PGAP4: variants seen among roughly 807,000 people sequenced by gnomAD.
PGAP4 encodes post-GPI attachment to proteins GalNAc transferase 4.
Under a neutral mutation model 28.2 loss-of-function variants are expected in PGAP4, and 12 were observed. The ratio of observed to expected loss-of-function variants is 0.42; its 90% CI spans 0.27 to 0.69. The LOEUF (loss-of-function observed/expected upper bound fraction) is 0.69, where lower values mean the gene tolerates loss of function less well. Among genes scored for constraint, PGAP4 ranks in the 30% least tolerant of loss-of-function variants. PGAP4 has a pLI of 0.22. For missense variants in PGAP4, 425 were observed against 513.5 expected, an observed-to-expected ratio of 0.83 and a Z score of 1.67; for synonymous variants, 205 against 211.8, an observed-to-expected ratio of 0.97 and a Z score of 0.28.
intron 2 of PGAP4, among the ~76,000 whole-genome samples, chr9:101,506,034 A>G (rs2118600070): frequency 6.6e-6 from 1 of 152,280 alleles, no homozygotes; most frequent in South Asian, 2.1e-4. Context: ...AGTTACCCTT[A>G]AAAAAGCAGT....
At chr9:101,494,832 T>A (rs58159499) in intron 2 of PGAP4, among the ~76,000 whole-genome samples, 1 of 151,302 alleles carries the variant, frequency 6.6e-6, no homozygotes, top group African/African-American at 2.4e-5. Context: ...GTATGTAGCA[T>A]TTTAAGATAA....
At chr9:101,521,894 G>A (rs1429763019) in intron 2 of PGAP4, among the ~76,000 whole-genome samples, 1 of 152,030 alleles carries the variant, frequency 6.6e-6, no homozygotes, top group Non-Finnish European at 1.5e-5. Context: ...GGATCCCAGA[G>A]GTTTTGATAG....
chr9:101,515,399 G>A (rs532401785), intron 2 of PGAP4, among the ~76,000 whole-genome samples: 2 of 152,094 alleles, frequency 1.3e-5, no homozygotes, highest in South Asian at 2.1e-4. Context: ...TGAAGATCAC[G>A]TCGGCAAAGA....
At position 101,523,619 on chromosome 9, in the gene PGAP4, C is replaced by CATTTTTTTTTTTTT. The variant is rs1245170432; in HGVS notation, c.-165+7728_-165+7729insAAAAAAAAAAAAAT. Among the ~76,000 whole-genome samples, 104 of 59,334 alleles carry CATTTTTTTTTTTTT rather than the reference C, an allele frequency of 1.8e-3. 13 individuals carry two copies. The highest frequency in any genetic ancestry group is 3.0e-3 in the Admixed American group (13 of 4,364). 38.9% of individuals were successfully genotyped at this position (59,334 alleles called of 152,430 possible). Reference sequence around the variant, plus strand: ...ACATTTCTCCCCTCACTTCTTGTATCTTTTTTTTTTTTTTTTTTTTTTTTT... The same window carrying CATTTTTTTTTTTTT: ...ACATTTCTCCCCTCACTTCTTGTATCATTTTTTTTTTTTTTTTTTTTTTTTTTTTTTTTTTTTTT... On this transcript the variant is annotated intron_variant, in intron 2 of 3. Coordinates refer to the PGAP4 transcript ENST00000374851.
intron 2 of PGAP4, chr9:101,501,928 T>A (rs906276586): frequency 5.5e-6 from 2 of 362,084 alleles, no homozygotes; most frequent in African/African-American, 4.2e-5. Context: ...AGAACCAGCG[T>A]CGCCACCAGG....
At chr9:101,529,239 T>C (rs998423066) in intron 2 of PGAP4, among the ~76,000 whole-genome samples, 2 of 150,876 alleles carry the variant, frequency 1.3e-5, no homozygotes, top group African/African-American at 4.9e-5. Flanking sequence ...CACTGCAACC[T>C]TTGCCTCCTG....
chr9:101,501,268 A>G (rs977979668), intron 2 of PGAP4, among the ~76,000 whole-genome samples: 4 of 152,068 alleles, frequency 2.6e-5, no homozygotes, highest in Non-Finnish European at 5.9e-5. Flanking sequence ...CTGCTACAAT[A>G]GTGATGCTGT....
rs541115462 is a variant in PGAP4, at chr9:101,521,634, A to G, written c.-165+9714T>C. ...GGTTATTCTTGCCAATGGTCTATCA[A>G]TTTTATTTATCTTTCAAAGAACTAG... On this transcript the variant is annotated intron_variant, in intron 2 of 3. Transcript: ENST00000374851. Among the ~76,000 whole-genome samples the G allele has an allele frequency of 2.0e-5, 3 of 152,106 alleles. No homozygotes were observed. The East Asian group carries it at 5.8e-4, about 29-fold the overall frequency.
At chr9:101,505,134 G>A (rs939356066) in intron 2 of PGAP4, among the ~76,000 whole-genome samples, 2 of 152,068 alleles carry the variant, frequency 1.3e-5, no homozygotes, top group Non-Finnish European at 2.9e-5. Flanking sequence ...AAAGGACTGA[G>A]TACTCCACTT....
chr9:101,491,403 A>G (rs1826687732), upstream of PGAP4, among the ~76,000 whole-genome samples: 1 of 152,124 alleles, frequency 6.6e-6, no homozygotes, highest in Admixed American at 6.6e-5. Flanking sequence ...CAGTTTGAGC[A>G]CTTAACATGA....
rs1826253034 is a variant in PGAP4 at position 101,474,980 on chromosome 9, GTCCA to G, written c.*897_*900del. ...TAAAAGGTCAGGTCTTCTGACTTCA[GTCCA>G]TGATTTTTTTTTTTTTTTTTCTATA... On this transcript the variant is annotated 3_prime_UTR_variant, in exon 2 of 2. Transcript: ENST00000374848. 1 of 134,420 alleles carries G rather than the reference GTCCA, an allele frequency of 7.4e-6. No individual in the cohort carries two copies. The highest frequency in any genetic ancestry group is 8.0e-5 in the Admixed American group (1 of 12,432). The allele number at this position is 134,420 out of a possible 1,614,324, so 8.3% of individuals were successfully genotyped here.
chr9:101,473,636 A>T lies in PGAP4; in HGVS notation c.*2245T>A, dbSNP rs1051801162. The T allele has an allele frequency of 3.3e-5, 5 of 152,274 alleles. No homozygotes were observed. The highest frequency in any genetic ancestry group is 7.2e-5 in the African/African-American group (3 of 41,456). The allele number at this position is 152,274 out of a possible 1,614,324, so 9.4% of individuals were successfully genotyped here. A position where few individuals can be genotyped will look rare whatever the true frequency, so the allele number is the denominator to read the frequency against. ...TGGCCTTAGCCTTCCATAATGGAGAAGTCGGGCAGGGGATGTCTGCATGCA... is the reference window on the plus strand; with the variant it reads ...TGGCCTTAGCCTTCCATAATGGAGATGTCGGGCAGGGGATGTCTGCATGCA... On this transcript the variant is annotated 3_prime_UTR_variant, in exon 2 of 2. Transcript: ENST00000374848.
chr9:101,518,117 A>C lies in PGAP4; in HGVS notation c.-165+13231T>G, dbSNP rs759635296. Reference sequence around the variant, plus strand: ...TACTCAATGTTTAACTTCCACTTATAAGTGAGAATATGCAGTATTTGGTTT... The same window carrying C: ...TACTCAATGTTTAACTTCCACTTATCAGTGAGAATATGCAGTATTTGGTTT... On this transcript the variant is annotated intron_variant, in intron 2 of 3. Transcript: ENST00000374851. Among the ~76,000 whole-genome samples, 3 of 152,208 alleles carry C rather than the reference A, an allele frequency of 2.0e-5. No individual in the cohort carries two copies. The South Asian group carries it at 6.2e-4, about 32-fold the overall frequency.
chr9:101,496,810 A>G (rs1826755917), intron 2 of PGAP4, among the ~76,000 whole-genome samples: 1 of 150,714 alleles, frequency 6.6e-6, no homozygotes, highest in Admixed American at 6.6e-5. Flanking sequence ...TTTTTATAGC[A>G]TGTTTTACAT....
At chr9:101,491,494 C>T (rs1387178149), upstream of PGAP4, among the ~76,000 whole-genome samples, 1 of 151,916 alleles carries the variant, frequency 6.6e-6, no homozygotes, top group East Asian at 1.9e-4. Flanking sequence ...ACTGACATGG[C>T]CATTTTGTAC....
intron 2 of PGAP4, among the ~76,000 whole-genome samples, chr9:101,524,308 G>T (rs1827014382): frequency 6.6e-6 from 1 of 151,948 alleles, no homozygotes; most frequent in Non-Finnish European, 1.5e-5. Flanking sequence ...AAACCGAAGG[G>T]CTGGTCTCAC....
intron 1 of PGAP4, among the ~76,000 whole-genome samples, chr9:101,484,160 G>A (rs1826556285): frequency 6.6e-6 from 1 of 152,028 alleles, no homozygotes; most frequent in African/African-American, 2.4e-5. Flanking sequence ...GAAATGTTGA[G>A]TGCTGTTTTG....
chr9:101,473,692 G>A lies in PGAP4; in HGVS notation c.*2189C>T, dbSNP rs1370170824. 6.6e-6 allele frequency: 1 copy of A among 152,274 alleles called. No individual in the cohort carries two copies. Among genetic ancestry groups the A allele is most frequent in the Non-Finnish European group, 1.5e-5 (1 of 68,070 alleles). 9.4% of individuals were successfully genotyped at this position (152,274 alleles called of 1,614,324 possible). A position where few individuals can be genotyped will look rare whatever the true frequency, so the allele number is the denominator to read the frequency against. On this transcript the variant is annotated 3_prime_UTR_variant, in exon 2 of 2. Coordinates refer to ENST00000374848, the MANE Select transcript of PGAP4 (RefSeq NM_032342.3). ...CAACTGAATTAGAAAGAGCAGAAATGTAAACCAGCAGTGCTTCCCTATCTT... is the reference window on the plus strand; with the variant it reads ...CAACTGAATTAGAAAGAGCAGAAATATAAACCAGCAGTGCTTCCCTATCTT...
At chr9:101,518,740 A>G (rs1826397884) in intron 2 of PGAP4, among the ~76,000 whole-genome samples, 1 of 152,224 alleles carries the variant, frequency 6.6e-6, no homozygotes, top group Non-Finnish European at 1.5e-5. Context: ...GGTTGGTTCC[A>G]CAATTTTTCA....
Sources: gnomAD v4.1 joint callset for allele counts (sites outside exome capture counted in the v4.1 genomes callset) on GRCh38, gnomAD v4.1.1 for gene constraint, MANE v1.5 for transcripts, NCBI Gene and HGNC (gene_info 2026-07-23, HGNC 2026-07-21) for gene names.